Variants in XKR9 observed in about 807,000 individuals in gnomAD.
XKR9 encodes the protein XK-related protein 9.
A neutral mutation model predicts 32.0 loss-of-function variants in XKR9; 32 were observed. That is an observed-to-expected ratio of 1.00 (90% confidence interval 0.76 to 1.34). XKR9 has a LOEUF of 1.34. Among genes scored for constraint, XKR9 ranks in the 40% most tolerant of loss-of-function variants. The probability of loss-of-function intolerance (pLI) is 0.00; values close to 1 mark genes in which losing one functional copy is unlikely to be tolerated. For synonymous variants in XKR9, 168 were observed against 143.4 expected, an observed-to-expected ratio of 1.17 and a Z score of -1.22; for missense variants, 546 against 429.7, an observed-to-expected ratio of 1.27 and a Z score of -2.39.
At chr8:70,984,330 A>G in the XKR9 span, among the ~76,000 whole-genome samples, 3 of 152,166 alleles carry the variant, frequency 2.0e-5, no homozygotes, top group Non-Finnish European at 4.4e-5. Context: ...CATCACAATG[A>G]TCACCTCTGA....
the XKR9 span, among the ~76,000 whole-genome samples, chr8:70,887,190 C>T: frequency 2.0e-5 from 3 of 152,106 alleles, no homozygotes; most frequent in African/African-American, 4.8e-5. Flanking sequence ...ATTATTTTCC[C>T]ATTGCTTGTT....
chr8:70,853,270 G>T, the XKR9 span, among the ~76,000 whole-genome samples: 1 of 152,008 alleles, frequency 6.6e-6, no homozygotes, highest in Non-Finnish European at 1.5e-5. Flanking sequence ...GAGGCGTGGG[G>T]TGTGGAGAAA....
At chr8:70,999,473 G>A in the XKR9 span, among the ~76,000 whole-genome samples, 1 of 152,158 alleles carries the variant, frequency 6.6e-6, no homozygotes, top group Admixed American at 6.5e-5. Flanking sequence ...ATATAATCAT[G>A]AGCCTAGAGA....
the XKR9 span, among the ~76,000 whole-genome samples, chr8:70,795,812 C>A: frequency 6.6e-6 from 1 of 151,862 alleles, no homozygotes; most frequent in African/African-American, 2.4e-5. Flanking sequence ...ATGCCCTTTG[C>A]CCACTTTTTA....
the XKR9 span, among the ~76,000 whole-genome samples, chr8:71,038,212 A>T: frequency 6.6e-6 from 1 of 151,882 alleles, no homozygotes; most frequent in Non-Finnish European, 1.5e-5. Context: ...TCCTGCTACA[A>T]TTCAGTTGAT....
At chr8:70,850,521 C>T in the XKR9 span, among the ~76,000 whole-genome samples, 140 of 148,136 alleles carry the variant, frequency 9.5e-4, no homozygotes, top group East Asian at 5.1e-3. Context: ...TGATAAACAT[C>T]GATGCAAAAA....
the XKR9 span, among the ~76,000 whole-genome samples, chr8:70,832,497 A>G: frequency 6.6e-6 from 1 of 152,216 alleles, no homozygotes. Context: ...CAGGAGTGAT[A>G]TTAAAAAGGA....
At chr8:70,956,289 A>G in the XKR9 span, among the ~76,000 whole-genome samples, 1 of 152,172 alleles carries the variant, frequency 6.6e-6, no homozygotes, top group Non-Finnish European at 1.5e-5. Context: ...GTTAGCTCCT[A>G]TCTGCAGGAA....
chr8:70,956,672 G>T, the XKR9 span, among the ~76,000 whole-genome samples: 1 of 152,186 alleles, frequency 6.6e-6, no homozygotes, highest in Non-Finnish European at 1.5e-5. Context: ...TCCCGTGCCT[G>T]TTGGTACCCC....
At chr8:70,719,730 G>A (rs1284254910) in intron 4 of XKR9, among the ~76,000 whole-genome samples, 1 of 152,050 alleles carries the variant, frequency 6.6e-6, no homozygotes, top group Non-Finnish European at 1.5e-5. Context: ...GTAGCATGAT[G>A]TCTCCAGCTT....
At chr8:70,748,188 G>C (rs572975670) in intron 2 of XKR9, among the ~76,000 whole-genome samples, 1 of 152,218 alleles carries the variant, frequency 6.6e-6, no homozygotes, top group Non-Finnish European at 1.5e-5. Flanking sequence ...GGTGTGGCTG[G>C]GGCTGCCCTG....
At chr8:70,866,312 G>A in the XKR9 span, among the ~76,000 whole-genome samples, 2 of 152,326 alleles carry the variant, frequency 1.3e-5, no homozygotes, top group Admixed American at 6.5e-5. Context: ...TCTTGCCTAT[G>A]AAATGCTTAG....
the XKR9 span, among the ~76,000 whole-genome samples, chr8:70,799,994 G>C: frequency 1.3e-5 from 2 of 152,080 alleles, no homozygotes; most frequent in Non-Finnish European, 2.9e-5. Flanking sequence ...GTTGGCTGTG[G>C]GTTTGTCAGA....
At chr8:70,838,173 T>G in the XKR9 span, among the ~76,000 whole-genome samples, 1 of 152,056 alleles carries the variant, frequency 6.6e-6, no homozygotes, top group Non-Finnish European at 1.5e-5. Context: ...TAAATAATAG[T>G]GATGATAACA....
chr8:70,865,187 T>C, the XKR9 span, among the ~76,000 whole-genome samples: 1 of 152,148 alleles, frequency 6.6e-6, no homozygotes, highest in Non-Finnish European at 1.5e-5. Context: ...GAGTGGAGAA[T>C]TTTCCCTAAG....
the XKR9 span, among the ~76,000 whole-genome samples, chr8:70,968,671 C>T: frequency 1.3e-5 from 2 of 151,432 alleles, no homozygotes; most frequent in African/African-American, 4.9e-5. Context: ...GTTTGTTTTT[C>T]TTTTGGCAGT....
the XKR9 span, among the ~76,000 whole-genome samples, chr8:70,862,766 G>A: frequency 6.6e-6 from 1 of 151,956 alleles, no homozygotes; most frequent in East Asian, 1.9e-4. Flanking sequence ...CTTACATCTG[G>A]TGGGGAGACA....
At chr8:70,883,803 G>C in the XKR9 span, among the ~76,000 whole-genome samples, 1 of 152,048 alleles carries the variant, frequency 6.6e-6, no homozygotes, top group Non-Finnish European at 1.5e-5. Flanking sequence ...ATCCTAGTTA[G>C]TTCCAAGTTT....
the XKR9 span, among the ~76,000 whole-genome samples, chr8:71,050,236 GATATATATAT>G: frequency 8.1e-6 from 1 of 123,568 alleles, no homozygotes; most frequent in Non-Finnish European, 1.7e-5. Context: ...GCCTGGCAGA[GATATATATAT>G]ATATATATAT....
Sources: gnomAD v4.1 joint callset for allele counts (sites outside exome capture counted in the v4.1 genomes callset) on GRCh38, gnomAD v4.1.1 for gene constraint, MANE v1.5 for transcripts, NCBI Gene and HGNC (gene_info 2026-07-23, HGNC 2026-07-21) for gene names.